Variants in TNRC6B observed in about 807,000 individuals in gnomAD.
TNRC6B encodes trinucleotide repeat containing adaptor 6B.
A neutral mutation model predicts 203.6 loss-of-function variants in TNRC6B; 52 were observed. That is an observed-to-expected ratio of 0.26 (90% CI 0.20 to 0.32). The LOEUF (loss-of-function observed/expected upper bound fraction) is 0.32, where lower values mean the gene tolerates loss of function less well. TNRC6B is among the 10% of genes least tolerant of loss of function. The pLI is 1.00. For synonymous variants in TNRC6B, 838 were observed against 845.7 expected (o/e 0.99, Z 0.16); for missense variants, 1,923 against 2,286.2 (o/e 0.84, Z 3.24).
At chr22:40,232,239 A>T (rs887876412) in intron 1 of TNRC6B, among the ~76,000 whole-genome samples, 5 of 152,232 alleles carry the variant, frequency 3.3e-5, no homozygotes, top group Non-Finnish European at 1.5e-5. Flanking sequence ...CGGGACAAGT[A>T]AGTGGCAGGC....
chr22:40,134,585 G>T (rs2068582411), intron 3 of TNRC6B, among the ~76,000 whole-genome samples: 1 of 152,174 alleles, frequency 6.6e-6, no homozygotes, highest in African/African-American at 2.4e-5. Context: ...GGCTACGGGA[G>T]GGATAGCATT....
chr22:40,169,012 G>A (rs888966961), intron 4 of TNRC6B, among the ~76,000 whole-genome samples: 2 of 151,738 alleles, frequency 1.3e-5, no homozygotes, highest in East Asian at 1.9e-4. Flanking sequence ...GTTATTAATC[G>A]TTTTTGTATG....
chr22:40,304,083 A>G (rs2071060088), intron 15 of TNRC6B, among the ~76,000 whole-genome samples: 1 of 152,242 alleles, frequency 6.6e-6, no homozygotes, highest in Admixed American at 6.5e-5. Flanking sequence ...AATGCCGAAG[A>G]TGTAATGAAA....
chr22:40,143,618 C>T (rs1224845594), intron 3 of TNRC6B, among the ~76,000 whole-genome samples: 2 of 151,886 alleles, frequency 1.3e-5, no homozygotes, highest in Non-Finnish European at 2.9e-5. Context: ...CTGCCTCAGC[C>T]TCTGAGTAGC....
At position 40,328,850 on chromosome 22, in the gene TNRC6B, C is replaced by A. The variant is rs369575214; in HGVS notation, c.*5609C>A. On this transcript the variant is annotated 3_prime_UTR_variant, in exon 23 of 23. Coordinates refer to ENST00000454349, the MANE Select transcript of TNRC6B (RefSeq NM_001162501.2). Reference sequence around the variant, plus strand: ...TAAAATTCAACATTTAAAGCTTTATCGGTTATTGTTTTAGATTTGAGATTT... The same window carrying A: ...TAAAATTCAACATTTAAAGCTTTATAGGTTATTGTTTTAGATTTGAGATTT... 2.6e-5 allele frequency: 4 copies of A among 152,314 alleles called. No individual in the cohort carries two copies. The highest frequency in any genetic ancestry group is 1.9e-4 in the East Asian group (1 of 5,184). 9.4% of individuals were successfully genotyped at this position (152,314 alleles called of 1,614,324 possible). A position where few individuals can be genotyped will look rare whatever the true frequency, so the allele number is the denominator to read the frequency against.
intron 12 of TNRC6B, among the ~76,000 whole-genome samples, chr22:40,286,456 G>A (rs963860290): frequency 6.6e-6 from 1 of 152,036 alleles, no homozygotes. Context: ...ACAGTGAACC[G>A]AGATGATGCC....
intron 4 of TNRC6B, among the ~76,000 whole-genome samples, chr22:40,160,709 C>T (rs764953514): frequency 1.2e-4 from 18 of 151,986 alleles, no homozygotes; most frequent in Non-Finnish European, 1.8e-4. Flanking sequence ...ACTACAGGCA[C>T]GCACTACCAA....
At chr22:40,142,041 T>C (rs1190335599) in intron 3 of TNRC6B, among the ~76,000 whole-genome samples, 1 of 151,606 alleles carries the variant, frequency 6.6e-6, no homozygotes, top group Non-Finnish European at 1.5e-5. Flanking sequence ...ATTACAGGTG[T>C]GAGCCACCGC....
chr22:40,208,111 C>CAAAAAAAAAAAA (rs905832467), intron 1 of TNRC6B, among the ~76,000 whole-genome samples: 3 of 74,982 alleles, frequency 4.0e-5, no homozygotes, highest in Non-Finnish European at 1.0e-4. Context: ...GACTCCATCT[C>CAAAAAAAAAAAA]AAAAAAAAAA....
chr22:40,072,461 T>G (rs755318016), intron 1 of TNRC6B, among the ~76,000 whole-genome samples: 2 of 152,202 alleles, frequency 1.3e-5, no homozygotes, highest in African/African-American at 2.4e-5. Flanking sequence ...CACGATGCAT[T>G]TAAACATGAA....
chr22:40,214,914 A>G (rs988637667), intron 1 of TNRC6B, among the ~76,000 whole-genome samples: 10 of 152,210 alleles, frequency 6.6e-5, no homozygotes, highest in African/African-American at 2.4e-4. Flanking sequence ...GTTAAAAGCA[A>G]ACAAAAAAAT....
Position 40,264,948 on chromosome 22 carries a change from G to A in TNRC6B, c.718G>A (p.Gly240Arg). The A allele has an allele frequency of 6.2e-7, 1 of 1,613,946 alleles. No individual in the cohort carries two copies. The highest frequency in any genetic ancestry group is 8.5e-7 in the Non-Finnish European group (1 of 1,179,882). Residue 240 changes from glycine (G) to arginine (R), a missense_variant, in exon 5 of 23, where the codon GGA (glycine) becomes AGA (arginine). By Grantham distance (125) the Gly-to-Arg change is moderately radical. Around this residue, in one of 8 missense-constraint regions of TNRC6B, gnomAD observed 614 missense variants for 587.7 expected, o/e 1.04. Coordinates refer to ENST00000454349, the MANE Select transcript of TNRC6B (RefSeq NM_001162501.2). ...GCCAGGAAGCACCACTAGTAACAAA[G>A]GAAAAGGGAGCCAGTGCCAGTCTGC... ...TLPGSTTSNK[G>R]KGSQCQSASS...
intron 3 of TNRC6B, among the ~76,000 whole-genome samples, chr22:40,258,102 A>AC (rs999400098): frequency 3.9e-5 from 1 of 25,802 alleles, no homozygotes; most frequent in Non-Finnish European, 9.9e-5. Flanking sequence ...TTTTTTTTTT[A>AC]CCCCACAATG....
chr22:40,116,159 A>T (rs1392347343), intron 1 of TNRC6B, among the ~76,000 whole-genome samples: 3 of 152,332 alleles, frequency 2.0e-5, no homozygotes, highest in African/African-American at 7.2e-5. Flanking sequence ...GGAATGGAGC[A>T]CGCTGTCTTG....
intron 15 of TNRC6B, among the ~76,000 whole-genome samples, chr22:40,306,718 G>A (rs767802514): frequency 6.6e-6 from 1 of 152,202 alleles, no homozygotes; most frequent in Admixed American, 6.5e-5. Context: ...AGGCACGGTG[G>A]CTCATGCCTG....
intron 1 of TNRC6B, among the ~76,000 whole-genome samples, chr22:40,079,198 C>G (rs139928722): frequency 5.9e-5 from 9 of 152,270 alleles, no homozygotes; most frequent in Admixed American, 2.0e-4. Context: ...CAGGCATGAG[C>G]CACCGTGCCC....
chr22:40,089,689 T>C (rs1025450481), intron 1 of TNRC6B, among the ~76,000 whole-genome samples: 2 of 152,232 alleles, frequency 1.3e-5, no homozygotes, highest in African/African-American at 4.8e-5. Flanking sequence ...GATGAACTTA[T>C]GTTGGTACAC....
intron 1 of TNRC6B, among the ~76,000 whole-genome samples, chr22:40,227,568 C>T (rs772021284): frequency 6.6e-6 from 1 of 151,890 alleles, no homozygotes; most frequent in Non-Finnish European, 1.5e-5. Flanking sequence ...CCAGGCTGGT[C>T]TTGAACTCCT....
At chr22:40,142,101 C>A (rs776413824) in intron 3 of TNRC6B, among the ~76,000 whole-genome samples, 17 of 151,950 alleles carry the variant, frequency 1.1e-4, no homozygotes, top group Non-Finnish European at 2.2e-4. Context: ...ACTCTGTCAC[C>A]CAGGCTGGAG....
Sources: gnomAD v4.1 joint callset for allele counts (sites outside exome capture counted in the v4.1 genomes callset) on GRCh38, gnomAD v4.1.1 for gene constraint, gnomAD v4.1.1 regional missense constraint, MANE v1.5 for transcripts, NCBI Gene and HGNC (gene_info 2026-07-23, HGNC 2026-07-21) for gene names.